Variants in SLC18B1 observed in about 807,000 individuals in gnomAD.
The protein encoded by SLC18B1 is solute carrier family 18 member B1.
Under a neutral mutation model 53.9 loss-of-function variants are expected in SLC18B1, and 62 were observed. That is an observed-to-expected ratio of 1.15 (90% confidence interval 0.94 to 1.42). SLC18B1 has a LOEUF of 1.42. Ranked by LOEUF, SLC18B1 falls within the 40% of genes most tolerant of loss-of-function variation. The pLI, the probability that SLC18B1 is intolerant of heterozygous loss-of-function variation, is 0.00. For synonymous variants in SLC18B1, 217 were observed against 200.9 expected (o/e 1.08, Z -0.68); for missense variants, 598 against 547.3 (o/e 1.09, Z -0.93).
chr6:132,770,505 G>A (rs1780942313), intron 13 of SLC18B1, among the ~76,000 whole-genome samples, 169 bp from the exon 14 acceptor site: 1 of 152,198 alleles, frequency 6.6e-6, no homozygotes. Flanking sequence ...GGAGGCAGAG[G>A]CAGGCGGATC....
At chr6:132,796,895 T>C (rs1396859623) in intron 2 of SLC18B1, 87 bp downstream of exon 2, 1 of 1,391,126 alleles carries the variant, frequency 7.2e-7, no homozygotes, top group Non-Finnish European at 9.6e-7. Flanking sequence ...TTACATTTTA[T>C]ATACTATAAA....
chr6:132,791,815 G>T (rs1312149030), intron 2 of SLC18B1, among the ~76,000 whole-genome samples: 1 of 152,102 alleles, frequency 6.6e-6, no homozygotes, highest in African/African-American at 2.4e-5. Flanking sequence ...TACCTTTAAT[G>T]GCACTGTGAC....
At chr6:132,795,238 T>A (rs982690337) in intron 2 of SLC18B1, among the ~76,000 whole-genome samples, 3 of 151,762 alleles carry the variant, frequency 2.0e-5, no homozygotes, top group African/African-American at 7.3e-5. Flanking sequence ...TATTGGAACC[T>A]TTTTTTTCCC....
chr6:132,785,893 T>A (rs1781355468), intron 5 of SLC18B1, among the ~76,000 whole-genome samples: 1 of 59,036 alleles, frequency 1.7e-5, no homozygotes. Context: ...AGACCCTGTC[T>A]CTACAAAAAA....
In SLC18B1 at chr6:132,776,318, G is replaced by C. The variant is rs1562263296; in HGVS notation, c.897+10C>G. ...CAAAAGTGACTCAAATATAAATTAA[G>C]TGTACGTACTGGCCTTTTATCACTT... On this transcript the variant is annotated intron_variant, in intron 8 of 13. Coordinates refer to ENST00000275227, the MANE Select transcript of SLC18B1 (RefSeq NM_052831.3). The C allele has an allele frequency of 8.8e-6, 14 of 1,597,380 alleles. No homozygotes were observed. The highest frequency in any genetic ancestry group is 1.2e-5 in the Non-Finnish European group (14 of 1,166,032).
intron 5 of SLC18B1, among the ~76,000 whole-genome samples, chr6:132,786,445 A>T (rs1048996365): frequency 1.3e-5 from 2 of 149,856 alleles, no homozygotes; most frequent in Non-Finnish European, 3.0e-5. Context: ...GCTACTCGGG[A>T]GGCTGAGGCA....
intron 5 of SLC18B1, among the ~76,000 whole-genome samples, chr6:132,784,588 G>A (rs1279087116): frequency 1.3e-5 from 2 of 152,134 alleles, no homozygotes; most frequent in East Asian, 1.9e-4. Flanking sequence ...TGAACCACAA[G>A]ATACCAATTT....
chr6:132,797,459 CGTG>C (rs1005452077), intron 1 of SLC18B1, among the ~76,000 whole-genome samples: 6 of 152,164 alleles, frequency 3.9e-5, no homozygotes, highest in Non-Finnish European at 8.8e-5. Context: ...ATTAGCCGGG[CGTG>C]GTGGCGGGCC....
At chr6:132,779,066 G>A (rs1781165180) in intron 7 of SLC18B1, among the ~76,000 whole-genome samples, 2 of 152,212 alleles carry the variant, frequency 1.3e-5, no homozygotes, top group Non-Finnish European at 2.9e-5. Context: ...AGGCCACTTA[G>A]TGAAAGACTT....
chr6:132,785,821 A>T (rs1781353758), intron 5 of SLC18B1, among the ~76,000 whole-genome samples: 1 of 149,100 alleles, frequency 6.7e-6, no homozygotes, highest in South Asian at 2.1e-4. Context: ...GCCACCTTGG[A>T]AGGCCAAAGT....
At chr6:132,786,582 G>A (rs1781382244) in intron 5 of SLC18B1, among the ~76,000 whole-genome samples, 1 of 151,882 alleles carries the variant, frequency 6.6e-6, no homozygotes. Context: ...AAAAGGTTGG[G>A]GGGAAGGACT....
At chr6:132,794,558 T>C (rs956453419) in intron 2 of SLC18B1, among the ~76,000 whole-genome samples, 6 of 152,136 alleles carry the variant, frequency 3.9e-5, no homozygotes, top group Non-Finnish European at 7.4e-5. Context: ...CTGTCTCCTA[T>C]TAGACCTCAC....
chr6:132,796,631 C>T (rs75399890), intron 2 of SLC18B1, among the ~76,000 whole-genome samples: 1 of 149,754 alleles, frequency 6.7e-6, no homozygotes, highest in African/African-American at 2.5e-5. Flanking sequence ...ACTGTCTTAA[C>T]ACAGACCTAT....
intron 1 of SLC18B1, among the ~76,000 whole-genome samples, chr6:132,797,719 G>C (rs2114693650): frequency 6.6e-6 from 1 of 152,296 alleles, no homozygotes; most frequent in African/African-American, 2.4e-5. Context: ...TCATTCAGCT[G>C]GTGAATTAAT....
intron 6 of SLC18B1, among the ~76,000 whole-genome samples, chr6:132,779,762 C>T (rs9493440): frequency 0.098 from 14,971 of 152,196 alleles, 1,216 homozygotes; most frequent in African/African-American, 0.22. Context: ...AAAGACATAC[C>T]TGAGACTGGG....
rs370818836 is a variant in SLC18B1 at position 132,787,417 on chromosome 6, A to C, written c.501+17T>G. On this transcript the variant is annotated intron_variant, in intron 5 of 13. Transcript: ENST00000275227. ...CTACACTCAAAGGAAAGTGGGAAAT[A>C]CTTCTAAAATACATACCAATACCGT... 2.1e-5 allele frequency: 33 copies of C among 1,537,308 alleles called. No individual in the cohort carries two copies. Among genetic ancestry groups the C allele is most frequent in the Non-Finnish European group, 2.8e-5 (32 of 1,146,306 alleles).
Position 132,770,169 on chromosome 6 carries a change from A to T in SLC18B1, c.*101T>A. 1.1e-6 allele frequency: 1 copy of T among 940,088 alleles called. No individual in the cohort carries two copies. The highest frequency in any genetic ancestry group is 1.7e-6 in the Non-Finnish European group (1 of 585,108). The allele number at this position is 940,088 out of a possible 1,614,324, so 58.2% of individuals were successfully genotyped here. ...CTTCCAAGACACTGGCACGGGGTCCACGGAGTTTTGCGCGTAAAATTTTAA... is the reference window on the plus strand; with the variant it reads ...CTTCCAAGACACTGGCACGGGGTCCTCGGAGTTTTGCGCGTAAAATTTTAA... On this transcript the variant is annotated 3_prime_UTR_variant, in exon 14 of 14. Coordinates refer to ENST00000275227, the MANE Select transcript of SLC18B1 (RefSeq NM_052831.3).
chr6:132,779,412 G>GA lies in SLC18B1; in HGVS notation c.659-9dup, dbSNP rs750012098. Reference sequence around the variant, plus strand: ...GTTCACCTGGATCAGACTCTTTAGGGAAAAAATGAAAAAAGAAAAAAAAAA... The same window carrying GA: ...GTTCACCTGGATCAGACTCTTTAGGGAAAAAAATGAAAAAAGAAAAAAAAAA... On this transcript the variant is annotated splice_polypyrimidine_tract_variant and intron_variant, in intron 6 of 13. Transcript: ENST00000275227. 6.5e-7 allele frequency: 1 copy of GA among 1,543,820 alleles called. No individual in the cohort carries two copies. The highest frequency in any genetic ancestry group is 8.7e-7 in the Non-Finnish European group (1 of 1,144,462).
intron 6 of SLC18B1, among the ~76,000 whole-genome samples, chr6:132,783,288 T>C (rs1281277586): frequency 6.6e-6 from 1 of 152,110 alleles, no homozygotes; most frequent in Non-Finnish European, 1.5e-5. Context: ...GCAATTCTCA[T>C]GCCTCAGCCT....
Sources: allele counts gnomAD v4.1 joint callset (sites outside exome capture counted in the v4.1 genomes callset), GRCh38; gene constraint gnomAD v4.1.1; transcripts MANE v1.5; gene names NCBI Gene and HGNC (gene_info 2026-07-23, HGNC 2026-07-21).